The following CPNE4 variants were observed in gnomAD, a reference collection of about 807,000 sequenced individuals.
The protein encoded by CPNE4 is copine 4.
Under a neutral mutation model 67.9 loss-of-function variants are expected in CPNE4, and 25 were observed. That is an observed-to-expected ratio of 0.37 (90% CI 0.27 to 0.51). CPNE4 has a LOEUF of 0.51. Ranked by LOEUF, CPNE4 falls within the 20% of genes least tolerant of loss-of-function variation. The pLI is 0.93. For synonymous variants in CPNE4, 242 were observed against 244.9 expected (o/e 0.99, Z 0.11); for missense variants, 464 against 690.8 (o/e 0.67, Z 3.68).
At chr3:131,656,047 C>T (rs2107633327) in intron 7 of CPNE4, among the ~76,000 whole-genome samples, 2 of 142,738 alleles carry the variant, frequency 1.4e-5, no homozygotes, top group South Asian at 4.5e-4. Context: ...GGCCACAATA[C>T]TGTTTCTTTT....
At chr3:131,948,275 G>C (rs1425983479) in intron 1 of CPNE4, among the ~76,000 whole-genome samples, 1 of 152,154 alleles carries the variant, frequency 6.6e-6, no homozygotes, top group African/African-American at 2.4e-5. Context: ...TGTTGTTCTT[G>C]TGATAGTGAG....
At chr3:131,848,892 G>A (rs1447693130) in intron 2 of CPNE4, among the ~76,000 whole-genome samples, 1 of 143,524 alleles carries the variant, frequency 7.0e-6, no homozygotes, top group African/African-American at 2.6e-5. Context: ...CATAGGGAAG[G>A]GAGGATTGAA....
chr3:131,685,674 C>T (rs1283809283), intron 6 of CPNE4, among the ~76,000 whole-genome samples: 4 of 152,206 alleles, frequency 2.6e-5, no homozygotes, highest in Admixed American at 2.0e-4. Flanking sequence ...CCCAGCTACT[C>T]AGGAGGCTGA....
At chr3:131,874,044 G>A (rs3896910) in intron 2 of CPNE4, among the ~76,000 whole-genome samples, 96,830 of 151,718 alleles carry the variant, frequency 0.64, 31,134 homozygotes, top group Admixed American at 0.73. Context: ...AACTATTTCA[G>A]TGCCTTGGGG....
intron 4 of CPNE4, among the ~76,000 whole-genome samples, chr3:131,697,119 G>C (rs887581595): frequency 3.3e-5 from 5 of 152,140 alleles, no homozygotes; most frequent in Admixed American, 1.3e-4. Context: ...ATGGGTATAC[G>C]TAAGGATTTA....
At chr3:131,905,515 C>T (rs2088712802) in intron 1 of CPNE4, 71 bp from the exon 2 acceptor site, 2 of 1,354,506 alleles carry the variant, frequency 1.5e-6, no homozygotes, top group Admixed American at 4.8e-5. Context: ...GAGAAAGCCT[C>T]CCAATCACCC....
At chr3:131,676,852 T>C (rs2080586194) in intron 6 of CPNE4, among the ~76,000 whole-genome samples, 1 of 152,158 alleles carries the variant, frequency 6.6e-6, no homozygotes, top group South Asian at 2.1e-4. Flanking sequence ...TACGTGTGCA[T>C]GTATGTTTAT....
chr3:132,038,701 T>C (rs1361497981), upstream of CPNE4, among the ~76,000 whole-genome samples: 1 of 152,174 alleles, frequency 6.6e-6, no homozygotes, highest in Non-Finnish European at 1.5e-5. Flanking sequence ...ACATAATATC[T>C]TCCCAGACAC....
intron 10 of CPNE4, among the ~76,000 whole-genome samples, chr3:131,569,416 C>T (rs1937217047): frequency 6.6e-6 from 1 of 151,926 alleles, no homozygotes; most frequent in African/African-American, 2.4e-5. Flanking sequence ...GAAAGTATAA[C>T]TTGAGGCCAG....
At chr3:131,635,598 A>G (rs929547778) in intron 7 of CPNE4, among the ~76,000 whole-genome samples, 6 of 152,238 alleles carry the variant, frequency 3.9e-5, no homozygotes, top group Admixed American at 3.3e-4. Flanking sequence ...TGATAGCCCT[A>G]TTGGACTGTG....
At chr3:131,889,764 C>A (rs749260081) in intron 2 of CPNE4, among the ~76,000 whole-genome samples, 1 of 152,290 alleles carries the variant, frequency 6.6e-6, no homozygotes, top group Non-Finnish European at 1.5e-5. Flanking sequence ...TTAAAGGCAT[C>A]TGTGCCTTTA....
At chr3:131,666,132 G>T (rs746619974) in intron 7 of CPNE4, among the ~76,000 whole-genome samples, 1 of 152,128 alleles carries the variant, frequency 6.6e-6, no homozygotes, top group Admixed American at 6.6e-5. Context: ...GCTACAAAAC[G>T]TAGCATACAA....
chr3:131,838,089 A>T (rs1480413800), intron 2 of CPNE4, among the ~76,000 whole-genome samples: 1 of 151,904 alleles, frequency 6.6e-6, no homozygotes, highest in South Asian at 2.1e-4. Context: ...GTCTCAATAG[A>T]TGTGCTTTTC....
At chr3:131,864,764 G>A (rs112162649) in intron 2 of CPNE4, among the ~76,000 whole-genome samples, 11,615 of 151,746 alleles carry the variant, frequency 0.077, 584 homozygotes, top group East Asian at 0.18. Context: ...GTGGTGAGAG[G>A]GGGCATCCCT....
At chr3:131,871,421 C>G (rs982370428) in intron 2 of CPNE4, among the ~76,000 whole-genome samples, 4 of 152,012 alleles carry the variant, frequency 2.6e-5, no homozygotes, top group African/African-American at 9.7e-5. Flanking sequence ...ATTTCAGCAC[C>G]GAGAATGCTC....
intron 1 of CPNE4, among the ~76,000 whole-genome samples, chr3:131,982,051 T>A (rs2072922229): frequency 6.6e-6 from 1 of 152,294 alleles, no homozygotes; most frequent in Middle Eastern, 3.4e-3. Context: ...CCCCGCACAC[T>A]GCTCTGTCCA....
intron 6 of CPNE4, among the ~76,000 whole-genome samples, chr3:131,685,285 A>G (rs938334698): frequency 2.0e-5 from 3 of 152,168 alleles, no homozygotes; most frequent in African/African-American, 7.2e-5. Context: ...CATCCTCATT[A>G]AATGATAGCT....
At chr3:131,688,621 T>C (rs1427821375) in intron 5 of CPNE4, among the ~76,000 whole-genome samples, 1 of 152,202 alleles carries the variant, frequency 6.6e-6, no homozygotes, top group Non-Finnish European at 1.5e-5. Flanking sequence ...TCAGGGGATG[T>C]TTTTATGATT....
At chr3:131,915,045 A>G (rs907064511) in intron 1 of CPNE4, among the ~76,000 whole-genome samples, 1 of 152,046 alleles carries the variant, frequency 6.6e-6, no homozygotes, top group Non-Finnish European at 1.5e-5. Context: ...AATAAAACAC[A>G]CTGTTTTATT....
Sources: gnomAD v4.1 joint callset for allele counts (sites outside exome capture counted in the v4.1 genomes callset) on GRCh38, gnomAD v4.1.1 for gene constraint, MANE v1.5 for transcripts, NCBI Gene and HGNC (gene_info 2026-07-23, HGNC 2026-07-21) for gene names.